SETD3: variants seen among roughly 807,000 people sequenced by gnomAD.
SETD3 encodes actin-histidine N-methyltransferase.
Under a neutral mutation model 63.0 loss-of-function variants are expected in SETD3, and 19 were observed. The ratio of observed to expected loss-of-function variants is 0.30; its 90% CI spans 0.21 to 0.44. The LOEUF (loss-of-function observed/expected upper bound fraction) is 0.44, where lower values mean the gene tolerates loss of function less well. SETD3 is among the 20% of genes least tolerant of loss of function. The pLI, the probability that SETD3 is intolerant of heterozygous loss-of-function variation, is 1.00. For synonymous variants in SETD3, 286 were observed against 264.1 expected, an observed-to-expected ratio of 1.08 and a Z score of -0.80; for missense variants, 587 against 728.5, an observed-to-expected ratio of 0.81 and a Z score of 2.24.
chr14:99,463,234 T>C (rs905852266), intron 3 of SETD3, among the ~76,000 whole-genome samples: 2 of 152,254 alleles, frequency 1.3e-5, no homozygotes, highest in African/African-American at 4.8e-5. Flanking sequence ...AATTGTATCA[T>C]TTTAGCACCC....
Position 99,459,512 on chromosome 14 carries a change from T to C in SETD3, c.346-327A>G, listed in dbSNP as rs539052190. Among the ~76,000 whole-genome samples the C allele has an allele frequency of 2.0e-5, 3 of 152,304 alleles. No homozygotes were observed. In the South Asian group the frequency reaches 6.2e-4, roughly 32 times the overall value. ...AGCATAAAGGCGTTTACTGTATACT[T>C]TACTGTACTTTTAAGTTCTAAAACC... On this transcript the variant is annotated intron_variant, in intron 4 of 12. Transcript: ENST00000331768.
upstream of SETD3, among the ~76,000 whole-genome samples, chr14:99,483,796 G>T (rs546265681): frequency 6.6e-6 from 1 of 152,218 alleles, no homozygotes; most frequent in Non-Finnish European, 1.5e-5. Context: ...TAAGCCTGGG[G>T]AGATGTCTTT....
At chr14:99,405,081 C>T (rs763258618) in intron 10 of SETD3, 124 bp downstream of exon 10, 136 of 1,332,826 alleles carry the variant, frequency 1.0e-4, no homozygotes, top group Non-Finnish European at 1.3e-4. Context: ...TGCTGTGCCA[C>T]GGGGATAAAC....
At chr14:99,432,177 A>C (rs1405741036) in intron 6 of SETD3, among the ~76,000 whole-genome samples, 2 of 152,214 alleles carry the variant, frequency 1.3e-5, no homozygotes, top group Non-Finnish European at 2.9e-5. Context: ...AAAAAATTAA[A>C]GGACAAATTC....
At chr14:99,461,939 C>A (rs1000519182) in intron 3 of SETD3, among the ~76,000 whole-genome samples, 1 of 152,118 alleles carries the variant, frequency 6.6e-6, no homozygotes, top group African/African-American at 2.4e-5. Context: ...TAATATGACA[C>A]CATTTATGTA....
intron 6 of SETD3, among the ~76,000 whole-genome samples, chr14:99,455,650 C>T (rs1894715730): frequency 6.6e-6 from 1 of 152,078 alleles, no homozygotes; most frequent in African/African-American, 2.4e-5. Context: ...CTCAGGCTTC[C>T]AATCATTAGG....
intron 1 of SETD3, among the ~76,000 whole-genome samples, chr14:99,476,143 G>A (rs1324678113): frequency 1.3e-5 from 2 of 152,208 alleles, no homozygotes; most frequent in Admixed American, 6.5e-5. Context: ...CTTCACAGAT[G>A]AGAAAGCTGA....
At chr14:99,466,838 A>G (rs191337524) in intron 1 of SETD3, among the ~76,000 whole-genome samples, 60 of 152,358 alleles carry the variant, frequency 3.9e-4, no homozygotes, top group African/African-American at 1.3e-3. Context: ...TGTCCAGCCA[A>G]GAAGCTGGTA....
intron 8 of SETD3, chr14:99,410,180 A>G: frequency 3.1e-6 from 5 of 1,612,906 alleles, no homozygotes; most frequent in Non-Finnish European, 4.2e-6. Context: ...GGTCTTAGGC[A>G]GAGGCGACAG....
intron 6 of SETD3, among the ~76,000 whole-genome samples, chr14:99,418,084 A>G (rs777091502): frequency 6.6e-6 from 1 of 152,236 alleles, no homozygotes; most frequent in Non-Finnish European, 1.5e-5. Context: ...AAAGTTGCTC[A>G]TAGAAATGAC....
intron 11 of SETD3, among the ~76,000 whole-genome samples, chr14:99,400,806 C>A (rs768157693): frequency 6.6e-6 from 1 of 152,126 alleles, no homozygotes; most frequent in Non-Finnish European, 1.5e-5. Context: ...GAAATAAGAG[C>A]CTAAATCAAA....
At chr14:99,452,958 G>T (rs1251686843) in intron 6 of SETD3, among the ~76,000 whole-genome samples, 2 of 152,206 alleles carry the variant, frequency 1.3e-5, no homozygotes, top group Admixed American at 1.3e-4. Flanking sequence ...TGAGGTTCTT[G>T]AATTTGGAGC....
At chr14:99,419,571 C>T (rs1425425559) in intron 6 of SETD3, among the ~76,000 whole-genome samples, 1 of 151,918 alleles carries the variant, frequency 6.6e-6, no homozygotes. Context: ...GTCAGGAGAT[C>T]GAGACCATCC....
At chr14:99,418,100 T>C (rs1892377371) in intron 6 of SETD3, among the ~76,000 whole-genome samples, 1 of 152,232 alleles carries the variant, frequency 6.6e-6, no homozygotes, top group Non-Finnish European at 1.5e-5. Flanking sequence ...ATGACTCTTC[T>C]AAATACTGTA....
At chr14:99,410,409 C>T (rs1046284118) in intron 8 of SETD3, among the ~76,000 whole-genome samples, 1 of 152,132 alleles carries the variant, frequency 6.6e-6, no homozygotes, top group African/African-American at 2.4e-5. Context: ...AACTTCCCTC[C>T]GTTGTGCCTG....
upstream of SETD3, among the ~76,000 whole-genome samples, chr14:99,482,728 C>G (rs1595300417): frequency 6.6e-6 from 1 of 152,086 alleles, no homozygotes; most frequent in African/African-American, 2.4e-5. Context: ...AAAAACTATT[C>G]GAGTTGTTAA....
chr14:99,427,742 T>C (rs1306459385), intron 6 of SETD3, among the ~76,000 whole-genome samples: 2 of 152,122 alleles, frequency 1.3e-5, no homozygotes, highest in African/African-American at 4.8e-5. Context: ...GCAAGATGAG[T>C]TCCCTGCTTT....
At chr14:99,476,944 C>T (rs1296591532) in intron 1 of SETD3, among the ~76,000 whole-genome samples, 1 of 152,158 alleles carries the variant, frequency 6.6e-6, no homozygotes, top group Non-Finnish European at 1.5e-5. Flanking sequence ...ATTCTCTAGA[C>T]AATTTTTTTT....
At chr14:99,452,986 G>A (rs1894548620) in intron 6 of SETD3, among the ~76,000 whole-genome samples, 1 of 152,224 alleles carries the variant, frequency 6.6e-6, no homozygotes, top group South Asian at 2.1e-4. Context: ...CAAATGATCT[G>A]CAAGTTCATT....
Sources: allele counts gnomAD v4.1 joint callset (sites outside exome capture counted in the v4.1 genomes callset), GRCh38; gene constraint gnomAD v4.1.1; transcripts MANE v1.5; gene names NCBI Gene and HGNC (gene_info 2026-07-23, HGNC 2026-07-21).